The following TRABD variants were observed in gnomAD, a reference collection of about 807,000 sequenced individuals.
The protein encoded by TRABD is TraB domain containing, also known as traB domain-containing protein.
TRABD carries 23 observed loss-of-function variants against 39.6 expected under a neutral mutation model. The ratio of observed to expected loss-of-function variants is 0.58; its 90% confidence interval spans 0.42 to 0.82. The LOEUF is 0.82. Among genes scored for constraint, TRABD ranks in the 40% least tolerant of loss-of-function variants. TRABD has a pLI of 0.00. For synonymous variants in TRABD, 243 were observed against 232.1 expected, an observed-to-expected ratio of 1.05 and a Z score of -0.43; for missense variants, 487 against 544.9, an observed-to-expected ratio of 0.89 and a Z score of 1.06.
At chr22:50,192,195 G>A (rs2147102736) in intron 1 of TRABD, 1 of 152,498 alleles carries the variant, frequency 6.6e-6, no homozygotes, top group South Asian at 2.1e-4. Context: ...ACATGGTGCA[G>A]CAGGGCCTGT....
chr22:50,197,958 GGCCGCGCGGCGCCTC>G lies in TRABD; in HGVS notation c.809_823del (p.Ala270_Leu274del). 1 of 1,612,698 alleles carries G rather than the reference GGCCGCGCGGCGCCTC, an allele frequency of 6.2e-7. No individual in the cohort carries two copies. The highest frequency in any genetic ancestry group is 8.5e-7 in the Non-Finnish European group (1 of 1,179,858). ...TCTACCTAACCTACATGCTGCGCCA[GGCCGCGCGGCGCCTC>G]GAGCTGCCTCGGGCCTCTGACGGTG... On this transcript the variant is annotated inframe_deletion, in exon 8 of 10. Coordinates refer to ENST00000380909, the MANE Select transcript of TRABD (RefSeq NM_001320485.2).
At chr22:50,194,616 G>C (rs976413524) in intron 4 of TRABD, 110 bp downstream of exon 4, 5 of 1,481,694 alleles carry the variant, frequency 3.4e-6, no homozygotes, top group Non-Finnish European at 4.5e-6. Flanking sequence ...CGCACCGCAG[G>C]CCTCCTGCTT....
At chr22:50,195,674 G>A (rs188434719) in intron 5 of TRABD, among the ~76,000 whole-genome samples, 109 of 152,076 alleles carry the variant, frequency 7.2e-4, no homozygotes, top group Non-Finnish European at 1.1e-3. Context: ...ATGTTGCCCA[G>A]GTTCATCTCA....
Position 50,198,635 on chromosome 22 carries a change from G to T in TRABD, c.*116G>T, listed in dbSNP as rs1421121260. On this transcript the variant is annotated 3_prime_UTR_variant, in exon 10 of 10. Coordinates refer to ENST00000380909, the MANE Select transcript of TRABD (RefSeq NM_001320485.2). This position sits in a 1 kb window ranked among gnomAD's most constrained non-coding sequence, Gnocchi z 7.9. ...CCTGCCACCCCCCATGGGGGTCTGG[G>T]CCCGGCCTCGCCTGCCCTCCTGGGC... The T allele has an allele frequency of 9.4e-7, 1 of 1,061,782 alleles. No individual in the cohort carries two copies. The highest frequency in any genetic ancestry group is 1.6e-5 in the African/African-American group (1 of 60,680). 65.8% of individuals were successfully genotyped at this position (1,061,782 alleles called of 1,614,324 possible).
At chr22:50,190,646 TGTGTGA>T (rs1207605052) in intron 1 of TRABD, 1 of 152,506 alleles carries the variant, frequency 6.6e-6, no homozygotes, top group Non-Finnish European at 1.5e-5. Flanking sequence ...CGGACTTCCG[TGTGTGA>T]GTTTCCCCCG....
chr22:50,186,678 C>T (rs2063768116), intron 1 of TRABD, among the ~76,000 whole-genome samples: 1 of 152,228 alleles, frequency 6.6e-6, no homozygotes, highest in Non-Finnish European at 1.5e-5. Flanking sequence ...CCCCGTTGTC[C>T]CCTCCGGCCC....
chr22:50,195,213 T>A (rs935804017), intron 5 of TRABD, among the ~76,000 whole-genome samples, 173 bp downstream of exon 5: 23 of 152,098 alleles, frequency 1.5e-4, no homozygotes, highest in Non-Finnish European at 2.9e-5. Context: ...TGAAAGAGGC[T>A]CCATTACCCG....
At chr22:50,187,464 G>A (rs2063789934) in intron 1 of TRABD, among the ~76,000 whole-genome samples, 2 of 152,378 alleles carry the variant, frequency 1.3e-5, no homozygotes, top group South Asian at 4.1e-4. Flanking sequence ...CAACCCCCAG[G>A]TCTGACCAGT....
chr22:50,193,159 T>C, intron 2 of TRABD, 66 bp downstream of exon 2: 1 of 1,480,626 alleles, frequency 6.8e-7, no homozygotes, highest in Non-Finnish European at 9.0e-7. Flanking sequence ...TTGTGGGCTC[T>C]CGGGGTCGGT....
chr22:50,198,548 T>A lies in TRABD; in HGVS notation c.*29T>A. 6.7e-7 allele frequency: 1 copy of A among 1,485,134 alleles called. No individual in the cohort carries two copies. Among genetic ancestry groups the A allele is most frequent in the Non-Finnish European group, 8.9e-7 (1 of 1,122,424 alleles). 92.0% of individuals were successfully genotyped at this position (1,485,134 alleles called of 1,614,324 possible). A position where few individuals can be genotyped will look rare whatever the true frequency, so the allele number is the denominator to read the frequency against. On this transcript the variant is annotated 3_prime_UTR_variant, in exon 10 of 10. Transcript: ENST00000380909. The surrounding 1 kb of genome is among the most constrained non-coding windows in gnomAD (Gnocchi z 7.9). Reference sequence around the variant, plus strand: ...ACTGCTCCCCGCCCGCTCGGGCCCCTGAGGAGCCAGTGCCCCCGCGGCACT... The same window carrying A: ...ACTGCTCCCCGCCCGCTCGGGCCCCAGAGGAGCCAGTGCCCCCGCGGCACT...
At chr22:50,186,463 G>C (rs1461128446) in intron 1 of TRABD, among the ~76,000 whole-genome samples, 1 of 152,262 alleles carries the variant, frequency 6.6e-6, no homozygotes, top group East Asian at 1.9e-4. Context: ...GAGCCCCCCA[G>C]GGCTGGGGCG....
At chr22:50,197,765 C>CCCCCCCCCCCCCCCCCCCGG in intron 7 of TRABD, 58 bp from the exon 8 acceptor site, 3 of 754,046 alleles carry the variant, frequency 4.0e-6, no homozygotes, top group Non-Finnish European at 6.7e-6. Context: ...ACAGTGCCAG[C>CCCCCCCCCCCCCCCCCCCGG]CCCACCCCCC....
intron 7 of TRABD, 59 bp from the exon 8 acceptor site, chr22:50,197,764 G>GGGGCC: frequency 2.5e-5 from 32 of 1,284,702 alleles, no homozygotes; most frequent in Non-Finnish European, 3.5e-5. Context: ...CACAGTGCCA[G>GGGGCC]CCCCACCCCC....
rs2064182315 is a variant in TRABD at position 50,197,993 on chromosome 22, A to C, written c.842A>C (p.Asp281Ala). 6.2e-7 allele frequency: 1 copy of C among 1,611,006 alleles called. No homozygotes were observed. Among genetic ancestry groups the C allele is most frequent in the African/African-American group, 1.3e-5 (1 of 74,810 alleles). Residue 281 changes from aspartate (D) to alanine (A), a missense_variant and splice_region_variant, in exon 8 of 10, where the codon GAC (aspartate) becomes GCC (alanine). Asp to Ala is a moderately radical substitution (Grantham distance 126). This residue lies in a region of TRABD where 358 missense variants were observed against 414.7 expected (regional missense o/e 0.86). Coordinates refer to ENST00000380909, the MANE Select transcript of TRABD (RefSeq NM_001320485.2). Reference protein sequence around the residue: ...ARRLELPRASDAEPRKCVPSV... With the variant: ...ARRLELPRASAAEPRKCVPSV... ...CGCCTCGAGCTGCCTCGGGCCTCTGACGGTGACGGCCGCCCGCAGGCGTGG... is the reference window on the plus strand; with the variant it reads ...CGCCTCGAGCTGCCTCGGGCCTCTGCCGGTGACGGCCGCCCGCAGGCGTGG...
intron 5 of TRABD, among the ~76,000 whole-genome samples, chr22:50,196,499 G>A (rs573463114): frequency 3.9e-5 from 6 of 152,294 alleles, no homozygotes; most frequent in East Asian, 1.9e-4. Flanking sequence ...CCAGCCGGCC[G>A]GTGAGACAGG....
rs772393625 is a variant in TRABD at position 50,199,517 on chromosome 22, G to A, written c.*998G>A. 7.8e-5 allele frequency: 14 copies of A among 180,588 alleles called. No homozygotes were observed. The highest frequency in any genetic ancestry group is 4.3e-4 in the East Asian group (3 of 6,918). 11.2% of individuals were successfully genotyped at this position (180,588 alleles called of 1,614,324 possible). On this transcript the variant is annotated 3_prime_UTR_variant, in exon 10 of 10. Coordinates refer to ENST00000380909, the MANE Select transcript of TRABD (RefSeq NM_001320485.2). ...CGGTGTTGAATCAAATCAGGTGTGCGTCAGGAGCCGGCTGTGTCCTTCCTG... is the reference window on the plus strand; with the variant it reads ...CGGTGTTGAATCAAATCAGGTGTGCATCAGGAGCCGGCTGTGTCCTTCCTG...
At chr22:50,197,011 T>A (rs924582514) in intron 5 of TRABD, 1 of 550,352 alleles carries the variant, frequency 1.8e-6, no homozygotes, top group Admixed American at 3.3e-5. Flanking sequence ...GAAGGTCTTT[T>A]CTGAAGGGAG....
intron 4 of TRABD, 53 bp downstream of exon 4, chr22:50,194,559 G>A (rs2064029970): frequency 6.4e-7 from 1 of 1,551,132 alleles, no homozygotes; most frequent in Admixed American, 2.0e-5. Context: ...AAGCTCCTGT[G>A]TCCTGCACTC....
intron 1 of TRABD, among the ~76,000 whole-genome samples, chr22:50,187,620 G>A (rs1331518449): frequency 6.6e-6 from 1 of 152,204 alleles, no homozygotes; most frequent in Non-Finnish European, 1.5e-5. Flanking sequence ...TGGGGTGAAG[G>A]GGATAAGATG....
Sources: allele counts gnomAD v4.1 joint callset (sites outside exome capture counted in the v4.1 genomes callset), GRCh38; gene constraint gnomAD v4.1.1; regional missense constraint gnomAD v4.1.1; non-coding constraint Gnocchi (gnomAD v3.1); transcripts MANE v1.5; gene names NCBI Gene and HGNC (gene_info 2026-07-23, HGNC 2026-07-21).